ZCWPW2: variants seen among roughly 807,000 people sequenced by gnomAD.
The protein encoded by ZCWPW2 is zinc finger CW-type and PWWP domain containing 2.
A neutral mutation model predicts 46.6 loss-of-function variants in ZCWPW2; 45 were observed. That is an observed-to-expected ratio of 0.96 (90% CI 0.76 to 1.24). The LOEUF is 1.24. Among genes scored for constraint, ZCWPW2 ranks in the 50% most tolerant of loss-of-function variants. ZCWPW2 has a pLI of 0.00. For synonymous variants in ZCWPW2, 152 were observed against 137.1 expected (o/e 1.11, Z -0.76); for missense variants, 429 against 403.9 (o/e 1.06, Z -0.53).
At chr3:28,422,422 G>A (rs556250994) in intron 3 of ZCWPW2, among the ~76,000 whole-genome samples, 7 of 151,974 alleles carry the variant, frequency 4.6e-5, no homozygotes, top group Admixed American at 2.0e-4. Flanking sequence ...TCTTTCTACC[G>A]TCTTCATAGT....
rs528096854 is a variant in ZCWPW2 at position 28,409,275 on chromosome 3, A to G, written c.-13-3781A>G. On this transcript the variant is annotated intron_variant, in intron 2 of 9. Transcript: ENST00000383768. ...GCTGGGATTACAGGCGCCTGCCACC[A>G]CACCTGGCTAATTTTTGTATTTTCA... Among the ~76,000 whole-genome samples, 17 of 151,754 alleles carry G rather than the reference A, an allele frequency of 1.1e-4. No individual in the cohort carries two copies. In the East Asian group the frequency reaches 3.3e-3, roughly 29 times the overall value.
intron 3 of ZCWPW2, chr3:28,428,256 G>C (rs1313378177): frequency 6.6e-6 from 1 of 152,236 alleles, no homozygotes; most frequent in Admixed American, 6.5e-5. Context: ...TTATCACTTA[G>C]AGTTCTTTTA....
At chr3:28,495,305 G>T (rs893620574) in intron 6 of ZCWPW2, among the ~76,000 whole-genome samples, 1 of 152,104 alleles carries the variant, frequency 6.6e-6, no homozygotes, top group Non-Finnish European at 1.5e-5. Context: ...TAAAAGAAAG[G>T]ATATAGGTCT....
At chr3:28,463,805 C>A (rs567940365) in intron 4 of ZCWPW2, among the ~76,000 whole-genome samples, 2 of 151,426 alleles carry the variant, frequency 1.3e-5, no homozygotes, top group Non-Finnish European at 2.9e-5. Flanking sequence ...CATGCCACTG[C>A]AGTCCAGACT....
At chr3:28,448,097 G>A (rs78809326) in intron 4 of ZCWPW2, 9,986 of 218,070 alleles carry the variant, frequency 0.046, 337 homozygotes, top group Non-Finnish European at 0.067. Context: ...CTTTTTTTAA[G>A]GGTAATAAAA....
At chr3:28,406,497 T>C (rs1479794998) in intron 2 of ZCWPW2, among the ~76,000 whole-genome samples, 1 of 152,196 alleles carries the variant, frequency 6.6e-6, no homozygotes, top group Non-Finnish European at 1.5e-5. Flanking sequence ...GTAGAGGCAA[T>C]GACAACTACA....
intron 4 of ZCWPW2, chr3:28,447,795 G>C (rs944062109): frequency 1.1e-5 from 9 of 815,470 alleles, no homozygotes; most frequent in Non-Finnish European, 1.9e-5. Flanking sequence ...AGGCTTTCCT[G>C]AACCCCTGGC....
At chr3:28,378,515 C>T (rs950054156) in intron 1 of ZCWPW2, among the ~76,000 whole-genome samples, 2 of 151,940 alleles carry the variant, frequency 1.3e-5, no homozygotes, top group Non-Finnish European at 2.9e-5. Context: ...AAACTATCTA[C>T]GAATTAACTA....
chr3:28,519,072 G>A (rs1382917775), intron 8 of ZCWPW2, among the ~76,000 whole-genome samples: 2 of 152,114 alleles, frequency 1.3e-5, no homozygotes, highest in African/African-American at 2.4e-5. Context: ...TTAGAATCTA[G>A]CATTCTATAC....
chr3:28,366,731 C>A (rs201022376), intron 1 of ZCWPW2, among the ~76,000 whole-genome samples: 1 of 152,112 alleles, frequency 6.6e-6, no homozygotes, highest in African/African-American at 2.4e-5. Flanking sequence ...CCAGCTCCTC[C>A]TTGTACCTCT....
chr3:28,524,614 T>C lies in ZCWPW2; in HGVS notation c.997T>C (p.Leu333=), dbSNP rs768464189. The C allele has an allele frequency of 1.2e-6, 2 of 1,608,708 alleles. No individual in the cohort carries two copies. Among genetic ancestry groups the C allele is most frequent in the South Asian group, 2.2e-5 (2 of 89,984 alleles). The change falls in exon 10 of 10, where the codon TTA becomes CTA. Residue 333 remains leucine, a synonymous_variant. Transcript: ENST00000383768. ...CTATCTTGTAATTGATGGGATAAAATTAAAAGCTGGAGAATGTATTGAGGA... is the reference window on the plus strand; with the variant it reads ...CTATCTTGTAATTGATGGGATAAAACTAAAAGCTGGAGAATGTATTGAGGA... The part of the protein sequence containing the change: ...EDYLVIDGIK[L]KAGECIEDIT...
intron 4 of ZCWPW2, chr3:28,461,830 T>C (rs1426665178): frequency 6.6e-6 from 1 of 151,988 alleles, no homozygotes; most frequent in Non-Finnish European, 1.5e-5. Context: ...GTAGAAAAAT[T>C]AGGGGAAAAC....
intron 2 of ZCWPW2, among the ~76,000 whole-genome samples, 159 bp from the exon 3 acceptor site, chr3:28,412,897 G>C (rs1424278007): frequency 6.6e-6 from 1 of 151,870 alleles, no homozygotes; most frequent in Non-Finnish European, 1.5e-5. Flanking sequence ...TTTCTGGGTA[G>C]GTGGAAACAA....
At chr3:28,504,435 A>G (rs183954248) in intron 6 of ZCWPW2, among the ~76,000 whole-genome samples, 23 of 151,802 alleles carry the variant, frequency 1.5e-4, no homozygotes, top group Admixed American at 1.3e-3. Context: ...GCATTTGACA[A>G]TGATCCATGG....
chr3:28,404,519 A>G (rs1696080087), intron 2 of ZCWPW2, among the ~76,000 whole-genome samples: 1 of 152,192 alleles, frequency 6.6e-6, no homozygotes, highest in Admixed American at 6.5e-5. Flanking sequence ...CATTTTCACT[A>G]CTGGCTCTCT....
intron 2 of ZCWPW2, among the ~76,000 whole-genome samples, chr3:28,404,254 A>G (rs1292838782): frequency 6.6e-6 from 1 of 152,198 alleles, no homozygotes; most frequent in African/African-American, 2.4e-5. Flanking sequence ...AGATATACAA[A>G]TGACCAACAA....
intron 6 of ZCWPW2, among the ~76,000 whole-genome samples, chr3:28,500,075 T>A (rs1700099951): frequency 6.6e-6 from 1 of 152,132 alleles, no homozygotes; most frequent in Non-Finnish European, 1.5e-5. Flanking sequence ...TTTATCAGTA[T>A]AGCTTCCTCT....
chr3:28,514,011 G>T, intron 6 of ZCWPW2, 53 bp from the exon 7 acceptor site: 4 of 1,392,804 alleles, frequency 2.9e-6, no homozygotes, highest in Non-Finnish European at 3.9e-6. Context: ...TTATTTTACT[G>T]AGCTGATTTA....
chr3:28,383,401 T>A (rs551136118), intron 1 of ZCWPW2, among the ~76,000 whole-genome samples: 3 of 152,262 alleles, frequency 2.0e-5, no homozygotes, highest in African/African-American at 7.2e-5. Flanking sequence ...GGGCTTATCA[T>A]GGATATAAAT....
Sources: allele counts gnomAD v4.1 joint callset (sites outside exome capture counted in the v4.1 genomes callset), GRCh38; gene constraint gnomAD v4.1.1; transcripts MANE v1.5; gene names NCBI Gene and HGNC (gene_info 2026-07-23, HGNC 2026-07-21).